The following NLGN4Y variants were observed in gnomAD, a reference collection of about 807,000 sequenced individuals.
The protein encoded by NLGN4Y is neuroligin 4 Y-linked, also known as neuroligin-4, Y-linked.
A neutral mutation model predicts 8.4 loss-of-function variants in NLGN4Y; 4 were observed. That is an observed-to-expected ratio of 0.48 (90% CI 0.23 to 1.09). The LOEUF is 1.09. Ranked by LOEUF, NLGN4Y falls within the 50% of genes least tolerant of loss-of-function variation. The probability of loss-of-function intolerance (pLI) is 0.19; values close to 1 mark genes in which losing one functional copy is unlikely to be tolerated. For missense variants in NLGN4Y, 90 were observed against 192.3 expected (o/e 0.47, Z 3.15); for synonymous variants, 35 against 75.6 (o/e 0.46, Z 2.78).
intron 5 of NLGN4Y, among the ~76,000 whole-genome samples, chrY:14,827,245 T>C (rs2043151520): frequency 5.9e-5 from 2 of 34,012 alleles, no homozygotes; most frequent in Non-Finnish European, 1.5e-4. Context: ...GAGATTTCTA[T>C]GGCATTTTTG....
chrY:14,696,466 G>T, intron 2 of NLGN4Y, among the ~76,000 whole-genome samples: 1 of 32,414 alleles, frequency 3.1e-5, no homozygotes, highest in Non-Finnish European at 7.6e-5. Context: ...CTACTTTATG[G>T]GGGCTGCCAG....
At chrY:14,777,297 A>G (rs2081129632) in intron 4 of NLGN4Y, among the ~76,000 whole-genome samples, 2 of 33,507 alleles carry the variant, frequency 6.0e-5, no homozygotes, top group Non-Finnish European at 1.5e-4. Context: ...TTACTGATGA[A>G]GAAATAAATG....
chrY:14,546,981 C>A, intron 1 of NLGN4Y, among the ~76,000 whole-genome samples: 1 of 33,687 alleles, frequency 3.0e-5, no homozygotes, highest in Non-Finnish European at 7.3e-5. Flanking sequence ...GAGTTTTTAG[C>A]GTGAAGAGTT....
chrY:14,673,724 G>A (rs2080733518), intron 2 of NLGN4Y, among the ~76,000 whole-genome samples: 1 of 33,287 alleles, frequency 3.0e-5, no homozygotes, highest in Non-Finnish European at 7.4e-5. Flanking sequence ...AAAGACACAT[G>A]CACACGTATG....
At chrY:14,728,977 A>G in intron 4 of NLGN4Y, among the ~76,000 whole-genome samples, 3 of 33,558 alleles carry the variant, frequency 8.9e-5, no homozygotes, top group African/African-American at 3.5e-4. Context: ...ACTCATTGTA[A>G]TCATTACCAT....
At chrY:14,599,636 T>C in intron 1 of NLGN4Y, among the ~76,000 whole-genome samples, 1 of 33,084 alleles carries the variant, frequency 3.0e-5, no homozygotes, top group Non-Finnish European at 7.4e-5. Context: ...TACAACTGAC[T>C]GGAGTTAAAG....
intron 4 of NLGN4Y, among the ~76,000 whole-genome samples, chrY:14,777,209 T>C: frequency 2.9e-5 from 1 of 34,078 alleles, no homozygotes; most frequent in South Asian, 6.4e-4. Context: ...GAAATTCTCA[T>C]TGGTGATAGC....
At chrY:14,701,360 C>G in intron 2 of NLGN4Y, among the ~76,000 whole-genome samples, 1 of 32,926 alleles carries the variant, frequency 3.0e-5, no homozygotes, top group Non-Finnish European at 7.4e-5. Flanking sequence ...GAATACATAT[C>G]CACAATCCAA....
At chrY:14,739,549 G>A (rs2081000608) in intron 4 of NLGN4Y, among the ~76,000 whole-genome samples, 1 of 32,947 alleles carries the variant, frequency 3.0e-5, no homozygotes, top group African/African-American at 1.2e-4. Flanking sequence ...TCTTATGTAA[G>A]AGGAGGAAAA....
At position 14,558,205 on chromosome Y, in the gene NLGN4Y, A is replaced by T. The variant is rs746081729; in HGVS notation, c.-112+33497A>T. 1.2e-4 allele frequency among the ~76,000 whole-genome samples: 4 copies of T among 33,339 alleles called. No individual in the cohort carries two copies. In the East Asian group the frequency reaches 3.2e-3, roughly 27 times the overall value. The allele number at this position is 33,339 out of a possible 37,273, so 89.4% of individuals were successfully genotyped here. On this transcript the variant is annotated intron_variant, in intron 1 of 6. Coordinates refer to ENST00000684976, the MANE Select transcript of NLGN4Y (RefSeq NM_001365588.1). ...AGATTCATCAGGAGGTCTTCTAACC[A>T]TGCTGCAAACACTTTAACTCATCAG...
intron 1 of NLGN4Y, among the ~76,000 whole-genome samples, chrY:14,621,686 T>G (rs2080508567): frequency 3.0e-5 from 1 of 32,936 alleles, no homozygotes; most frequent in African/African-American, 1.2e-4. Flanking sequence ...TGGTGCATGC[T>G]TGTAGTCCCA....
chrY:14,627,973 G>A (rs995457517), intron 2 of NLGN4Y, among the ~76,000 whole-genome samples: 10 of 33,560 alleles, frequency 3.0e-4, no homozygotes, highest in Admixed American at 2.1e-3. Flanking sequence ...AAGGTCAGGA[G>A]TTTCTGATCA....
chrY:14,791,510 T>G (rs2042985871), intron 4 of NLGN4Y, among the ~76,000 whole-genome samples: 1 of 33,334 alleles, frequency 3.0e-5, no homozygotes, highest in African/African-American at 1.2e-4. Flanking sequence ...ATCCTAATCC[T>G]GACCTTTGAC....
At chrY:14,706,600 A>G in intron 2 of NLGN4Y, among the ~76,000 whole-genome samples, 1 of 30,363 alleles carries the variant, frequency 3.3e-5, no homozygotes, top group East Asian at 8.7e-4. Flanking sequence ...TTTAGTAGAG[A>G]TAGGGTTTCA....
intron 1 of NLGN4Y, among the ~76,000 whole-genome samples, chrY:14,593,596 T>A (rs893683269): frequency 3.0e-5 from 1 of 33,548 alleles, no homozygotes; most frequent in Non-Finnish European, 7.4e-5. Flanking sequence ...CCGGGAATAC[T>A]GGGGCTTCAT....
chrY:14,800,704 T>C (rs972951353), intron 4 of NLGN4Y, among the ~76,000 whole-genome samples: 1 of 31,232 alleles, frequency 3.2e-5, no homozygotes, highest in Non-Finnish European at 7.7e-5. Context: ...ATAAATGTAA[T>C]ATATATTATT....
At chrY:14,581,159 G>T (rs2080318462) in intron 1 of NLGN4Y, among the ~76,000 whole-genome samples, 1 of 32,519 alleles carries the variant, frequency 3.1e-5, no homozygotes. Context: ...TTTAGATTGA[G>T]CAAACTTCAC....
intron 1 of NLGN4Y, among the ~76,000 whole-genome samples, chrY:14,593,825 C>T: frequency 3.0e-5 from 1 of 33,342 alleles, no homozygotes; most frequent in Non-Finnish European, 7.4e-5. Context: ...TCAGATTGTC[C>T]TTCCAATGCC....
At chrY:14,661,178 A>G in intron 2 of NLGN4Y, among the ~76,000 whole-genome samples, 1 of 33,972 alleles carries the variant, frequency 2.9e-5, no homozygotes, top group Non-Finnish European at 7.3e-5. Flanking sequence ...GAATGGAATC[A>G]TGTCCTTTGC....
Sources: allele counts gnomAD v4.1 joint callset (sites outside exome capture counted in the v4.1 genomes callset), GRCh38; gene constraint gnomAD v4.1.1; transcripts MANE v1.5; gene names NCBI Gene and HGNC (gene_info 2026-07-23, HGNC 2026-07-21).